Variants in TBC1D19 observed in about 807,000 individuals in gnomAD.
TBC1D19 encodes TBC1 domain family, member 19.
Under a neutral mutation model 89.0 loss-of-function variants are expected in TBC1D19, and 60 were observed. The ratio of observed to expected loss-of-function variants is 0.67; its 90% CI spans 0.55 to 0.84. The LOEUF is 0.84. Among genes scored for constraint, TBC1D19 ranks in the 40% least tolerant of loss-of-function variants. The pLI, the probability that TBC1D19 is intolerant of heterozygous loss-of-function variation, is 0.00. For missense variants in TBC1D19, 500 were observed against 610.8 expected (o/e 0.82, Z 1.91); for synonymous variants, 189 against 199.7 (o/e 0.95, Z 0.45).
intron 9 of TBC1D19, among the ~76,000 whole-genome samples, chr4:26,667,281 A>T (rs190545530): frequency 1.8e-3 from 272 of 152,168 alleles, no homozygotes; most frequent in African/African-American, 6.2e-3. Context: ...AGGACAGCTT[A>T]ATGAATTTTT....
chr4:26,801,189 G>T, the TBC1D19 span, among the ~76,000 whole-genome samples: 1 of 152,142 alleles, frequency 6.6e-6, no homozygotes, highest in African/African-American at 2.4e-5. Flanking sequence ...TTAGTGTAAG[G>T]TGTAAGGAAG....
At chr4:26,658,053 A>G (rs148010113) in intron 7 of TBC1D19, among the ~76,000 whole-genome samples, 1,562 of 151,950 alleles carry the variant, frequency 0.01, 17 homozygotes, top group African/African-American at 0.033. Context: ...CACTCTGATG[A>G]TAGTTTCTTT....
the TBC1D19 span, among the ~76,000 whole-genome samples, chr4:26,856,338 G>A: frequency 1.3e-5 from 2 of 152,160 alleles, no homozygotes; most frequent in Non-Finnish European, 2.9e-5. Flanking sequence ...GTATTCCACT[G>A]TGTGTATATA....
At chr4:26,594,040 C>T (rs545130090) in intron 1 of TBC1D19, among the ~76,000 whole-genome samples, 95 of 152,246 alleles carry the variant, frequency 6.2e-4, no homozygotes, top group Non-Finnish European at 1.1e-3. Flanking sequence ...CACATGCACA[C>T]GTATGTTTAT....
chr4:26,726,705 AT>A (rs1717342486), intron 15 of TBC1D19, among the ~76,000 whole-genome samples: 1 of 152,254 alleles, frequency 6.6e-6, no homozygotes, highest in African/African-American at 2.4e-5. Flanking sequence ...AATGAATTAA[AT>A]AAACTGTACT....
the TBC1D19 span, among the ~76,000 whole-genome samples, chr4:26,805,425 G>A: frequency 1.3e-5 from 2 of 152,138 alleles, no homozygotes; most frequent in African/African-American, 4.8e-5. Flanking sequence ...ATTCAGTCCC[G>A]CAGCTTCAAG....
intron 1 of TBC1D19, among the ~76,000 whole-genome samples, chr4:26,587,899 A>G (rs771261932): frequency 3.7e-4 from 56 of 152,032 alleles, no homozygotes; most frequent in Non-Finnish European, 6.8e-4. Flanking sequence ...AAGTTGCCGC[A>G]CTTAATTTAT....
chr4:26,678,446 T>C (rs1269543782), intron 11 of TBC1D19, among the ~76,000 whole-genome samples: 2 of 151,956 alleles, frequency 1.3e-5, no homozygotes, highest in African/African-American at 4.8e-5. Context: ...AAGAGCGAGG[T>C]ATTGAGAAGT....
At chr4:26,587,277 A>G (rs1429285304) in intron 1 of TBC1D19, among the ~76,000 whole-genome samples, 1 of 152,082 alleles carries the variant, frequency 6.6e-6, no homozygotes, top group Non-Finnish European at 1.5e-5. Context: ...AACTGTATTT[A>G]TGAAAGATAC....
intron 7 of TBC1D19, among the ~76,000 whole-genome samples, chr4:26,656,770 G>A (rs1198619111): frequency 1.3e-5 from 2 of 152,048 alleles, no homozygotes; most frequent in African/African-American, 4.8e-5. Flanking sequence ...TGTTGCCCAG[G>A]CTGGTTGTGA....
chr4:26,683,126 A>G lies in TBC1D19; in HGVS notation c.817-549A>G, dbSNP rs142031466. 4.0e-3 allele frequency among the ~76,000 whole-genome samples: 608 copies of G among 152,252 alleles called. 13 individuals carry two copies. Among genetic ancestry groups the G allele is most frequent in the Admixed American group, 0.037 (572 of 15,274 alleles). ...CTTTTACTACCAGGAGTTCTTTGTT[A>G]TGCTTAAACTTTTTATTTTGTAATA... On this transcript the variant is annotated intron_variant, in intron 11 of 20. Transcript: ENST00000264866.
the TBC1D19 span, among the ~76,000 whole-genome samples, chr4:26,797,781 A>G: frequency 6.6e-6 from 1 of 152,316 alleles, no homozygotes; most frequent in African/African-American, 2.4e-5. Context: ...GTCAACAAAA[A>G]TAAACAACAG....
intron 19 of TBC1D19, among the ~76,000 whole-genome samples, chr4:26,749,360 C>T (rs1341345593): frequency 1.3e-5 from 2 of 151,948 alleles, no homozygotes; most frequent in Non-Finnish European, 2.9e-5. Context: ...TATAAAATCA[C>T]CTCTCTGGGC....
chr4:26,665,953 CT>C (rs2109091261), intron 8 of TBC1D19, among the ~76,000 whole-genome samples: 2 of 152,018 alleles, frequency 1.3e-5, no homozygotes, highest in African/African-American at 4.8e-5. Context: ...AGAAGTAAAA[CT>C]TTTATTAGGT....
intron 7 of TBC1D19, among the ~76,000 whole-genome samples, chr4:26,649,624 A>G (rs569548153): frequency 6.6e-6 from 1 of 151,986 alleles, no homozygotes; most frequent in Admixed American, 6.6e-5. Flanking sequence ...ACATATGTTT[A>G]TTGTATAACC....
rs928329594 is a variant in TBC1D19 at position 26,755,136 on chromosome 4, A to T, written c.*189A>T. On this transcript the variant is annotated 3_prime_UTR_variant, in exon 21 of 21. Transcript: ENST00000264866. ...AACTCTGCACCAAATATTGCATCGC[A>T]TGCTGCTGATTTTCAAGAGAGAAGC... 9.9e-5 allele frequency: 32 copies of T among 322,330 alleles called. No individual in the cohort carries two copies. The highest frequency in any genetic ancestry group is 1.5e-4 in the Non-Finnish European group (27 of 179,354). 20.0% of individuals were successfully genotyped at this position (322,330 alleles called of 1,614,324 possible). A position where few individuals can be genotyped will look rare whatever the true frequency, so the allele number is the denominator to read the frequency against.
the TBC1D19 span, among the ~76,000 whole-genome samples, chr4:26,854,538 T>C: frequency 6.6e-6 from 1 of 152,206 alleles, no homozygotes; most frequent in Non-Finnish European, 1.5e-5. Context: ...CCAGGAACTT[T>C]ACACCATAAC....
the TBC1D19 span, among the ~76,000 whole-genome samples, chr4:26,821,161 C>T: frequency 4.6e-5 from 7 of 152,292 alleles, 1 homozygote; most frequent in Admixed American, 3.3e-4. Context: ...CGTGTCCTTG[C>T]CACACTTTCT....
At chr4:26,797,478 C>G in the TBC1D19 span, among the ~76,000 whole-genome samples, 1 of 152,148 alleles carries the variant, frequency 6.6e-6, no homozygotes, top group African/African-American at 2.4e-5. Context: ...CCAAGGCAAT[C>G]TACAGATTCA....
Sources: allele counts gnomAD v4.1 joint callset (sites outside exome capture counted in the v4.1 genomes callset), GRCh38; gene constraint gnomAD v4.1.1; transcripts MANE v1.5; gene names NCBI Gene and HGNC (gene_info 2026-07-23, HGNC 2026-07-21).